The following SH3BP2 variants were observed in gnomAD, a reference collection of about 807,000 sequenced individuals.
The protein encoded by SH3BP2 is SH3 domain-binding protein 2.
In SH3BP2, 38 loss-of-function variants were observed where a neutral mutation model predicts 56.2. The ratio of observed to expected loss-of-function variants is 0.68; its 90% CI spans 0.52 to 0.89. The LOEUF (loss-of-function observed/expected upper bound fraction) is 0.89. SH3BP2 is among the 40% of genes least tolerant of loss of function. The probability of loss-of-function intolerance (pLI) is 0.00; values close to 1 mark genes in which losing one functional copy is unlikely to be tolerated. For missense variants in SH3BP2, 748 were observed against 762.6 expected, an observed-to-expected ratio of 0.98 and a Z score of 0.23; for synonymous variants, 346 against 316.7, an observed-to-expected ratio of 1.09 and a Z score of -0.98.
chr4:2,828,859 G>T (rs1248563025), intron 7 of SH3BP2, among the ~76,000 whole-genome samples: 1 of 152,102 alleles, frequency 6.6e-6, no homozygotes, highest in East Asian at 1.9e-4. Context: ...CCGTCCTCCA[G>T]GCGCCCCGTG....
Position 2,836,202 on chromosome 4 carries a change from C to T in SH3BP2, c.*2368C>T, listed in dbSNP as rs1223792289. 6.6e-6 allele frequency: 1 copy of T among 152,368 alleles called. No homozygotes were observed. Among genetic ancestry groups the T allele is most frequent in the Non-Finnish European group, 1.5e-5 (1 of 68,176 alleles). 9.4% of individuals were successfully genotyped at this position (152,368 alleles called of 1,614,324 possible). On this transcript the variant is annotated 3_prime_UTR_variant, in exon 13 of 13. Transcript: ENST00000503393. ...GCCTCCCAGACTCTGCACCTGCTAG[C>T]ACAGCTGTCCACGTCTGTGTGAGCT... is the stretch of plus-strand genomic sequence containing the variant.
chr4:2,830,630 A>G (rs762787534), intron 8 of SH3BP2, among the ~76,000 whole-genome samples: 88 of 152,318 alleles, frequency 5.8e-4, no homozygotes, highest in Non-Finnish European at 1.2e-3. Flanking sequence ...CTCAAAGTGT[A>G]GAGATTACGG....
chr4:2,794,407 A>G (rs1722995754), intron 1 of SH3BP2: 1 of 152,240 alleles, frequency 6.6e-6, no homozygotes, highest in African/African-American at 2.4e-5. Flanking sequence ...GACACCGTCG[A>G]AGGGCCCTCT....
chr4:2,793,263 G>GTGCGCA (rs1722956448), intron 1 of SH3BP2, 125 bp downstream of exon 1: 1 of 145,252 alleles, frequency 6.9e-6, no homozygotes, highest in Admixed American at 6.7e-5. Flanking sequence ...GGGGTCTCGG[G>GTGCGCA]GGAGTCTCGG....
chr4:2,827,752 A>G (rs908841459), intron 7 of SH3BP2, 78 bp downstream of exon 7: 6 of 1,236,262 alleles, frequency 4.9e-6, no homozygotes, highest in Non-Finnish European at 7.0e-6. Flanking sequence ...AGCCCCTCCG[A>G]GGCTGGGGAT....
rs762487786 is a variant in SH3BP2 at position 2,825,076 on chromosome 4, G to C, written c.358-50G>C. The C allele has an allele frequency of 7.3e-6, 11 of 1,503,436 alleles. 1 individual carries two copies. In the African/African-American group the frequency reaches 1.1e-4, roughly 15 times the overall value. 93.1% of individuals were successfully genotyped at this position (1,503,436 alleles called of 1,614,324 possible). ...GGCAGTGAAGGTGGAGGGGTGCGGT[G>C]GGGCCCACCCTGGTGGCACCGTGCC... is the stretch of plus-strand genomic sequence containing the variant. On this transcript the variant is annotated intron_variant, in intron 4 of 12. Coordinates refer to ENST00000503393, the MANE Select transcript of SH3BP2 (RefSeq NM_001122681.2).
intron 1 of SH3BP2, among the ~76,000 whole-genome samples, chr4:2,814,601 T>G (rs754256158): frequency 6.6e-6 from 1 of 152,210 alleles, no homozygotes; most frequent in African/African-American, 2.4e-5. Context: ...GAAGGGCTCA[T>G]GGAGCCCAGC....
At chr4:2,811,241 C>T (rs1723736588) in intron 1 of SH3BP2, among the ~76,000 whole-genome samples, 4 of 152,206 alleles carry the variant, frequency 2.6e-5, no homozygotes. Flanking sequence ...TTGGGACCTG[C>T]ACAGCCGGTT....
intron 3 of SH3BP2, chr4:2,823,460 T>A (rs1724418573): frequency 2.2e-6 from 1 of 458,284 alleles, no homozygotes; most frequent in African/African-American, 2.0e-5. Flanking sequence ...GATTCCCTGC[T>A]CCAGGGTCCT....
rs768701066 is a variant in SH3BP2, at chr4:2,838,203, T to C, written c.*4369T>C. ...ACACACTGTTAGGAAGTGAACGATC[T>C]GCAACCACCATCAGGAAATAGTTTT... On this transcript the variant is annotated 3_prime_UTR_variant, in exon 13 of 13. Transcript: ENST00000503393. 6.6e-6 allele frequency: 1 copy of C among 152,230 alleles called. No homozygotes were observed. The highest frequency in any genetic ancestry group is 1.5e-5 in the Non-Finnish European group (1 of 68,068). 9.4% of individuals were successfully genotyped at this position (152,230 alleles called of 1,614,324 possible).
intron 1 of SH3BP2, among the ~76,000 whole-genome samples, chr4:2,816,824 G>A (rs1349915785): frequency 6.6e-6 from 1 of 151,882 alleles, no homozygotes; most frequent in East Asian, 1.9e-4. Flanking sequence ...TATGTTGCAG[G>A]ATTCAGTTGG....
chr4:2,825,308 G>A, intron 5 of SH3BP2, 112 bp downstream of exon 5: 1 of 880,940 alleles, frequency 1.1e-6, no homozygotes. Flanking sequence ...GTCCTTAAAG[G>A]TTTCCTGGAG....
intron 1 of SH3BP2, among the ~76,000 whole-genome samples, chr4:2,793,995 C>T (rs1489231705): frequency 1.3e-5 from 2 of 152,234 alleles, no homozygotes; most frequent in African/African-American, 4.8e-5. Flanking sequence ...ACCTCCTATC[C>T]CCTCTCTGTG....
rs181306521 is a variant in SH3BP2, at chr4:2,807,669, A to G, written c.-4-12945A>G. Among the ~76,000 whole-genome samples, 7 of 152,306 alleles carry G rather than the reference A, an allele frequency of 4.6e-5. No individual in the cohort carries two copies. The East Asian group carries it at 1.4e-3, about 29-fold the overall frequency. On this transcript the variant is annotated intron_variant, in intron 1 of 12. Coordinates refer to ENST00000503393, the MANE Select transcript of SH3BP2 (RefSeq NM_001122681.2). ...TCGGGGGCCCAGGGCAGGAAGGGAAAGCAGGCGCCGCACCCCATCCACGTG... is the reference window on the plus strand; with the variant it reads ...TCGGGGGCCCAGGGCAGGAAGGGAAGGCAGGCGCCGCACCCCATCCACGTG...
At chr4:2,832,049 T>C in intron 10 of SH3BP2, 71 bp downstream of exon 10, 1 of 1,508,012 alleles carries the variant, frequency 6.6e-7, no homozygotes, top group Non-Finnish European at 9.2e-7. Flanking sequence ...TCCCTCTCAC[T>C]AGCTTCCGTG....
At chr4:2,802,552 A>G (rs28569952) in intron 1 of SH3BP2, among the ~76,000 whole-genome samples, 1 of 141,168 alleles carries the variant, frequency 7.1e-6, no homozygotes, top group Non-Finnish European at 1.5e-5. Flanking sequence ...GTGTATATAT[A>G]TGTGTATATA....
intron 1 of SH3BP2, chr4:2,796,565 C>A: frequency 1.5e-6 from 1 of 671,326 alleles, no homozygotes. Flanking sequence ...CCACCTGGAG[C>A]AGTTGCCTGG....
intron 2 of SH3BP2, among the ~76,000 whole-genome samples, chr4:2,822,031 C>A (rs986726339): frequency 6.6e-6 from 1 of 151,976 alleles, no homozygotes; most frequent in Non-Finnish European, 1.5e-5. Context: ...CCACGCCCAG[C>A]TAATTTTTGT....
At chr4:2,818,284 G>A in intron 1 of SH3BP2, 1 of 1,036,870 alleles carries the variant, frequency 9.6e-7, no homozygotes, top group Non-Finnish European at 1.2e-6. Flanking sequence ...CGCCCGGGAC[G>A]AGGCGGCGGC....
Sources: gnomAD v4.1 joint callset for allele counts (sites outside exome capture counted in the v4.1 genomes callset) on GRCh38, gnomAD v4.1.1 for gene constraint, MANE v1.5 for transcripts, NCBI Gene and HGNC (gene_info 2026-07-23, HGNC 2026-07-21) for gene names.